The following VPS54 variants were observed in gnomAD, a reference collection of about 807,000 sequenced individuals.
VPS54 encodes VPS54 subunit of GARP complex.
VPS54 carries 45 observed loss-of-function variants against 121.5 expected under a neutral mutation model. That is an observed-to-expected ratio of 0.37 (90% CI 0.29 to 0.47). The LOEUF (loss-of-function observed/expected upper bound fraction) is 0.47. Ranked by LOEUF, VPS54 falls within the 20% of genes least tolerant of loss-of-function variation. The pLI, the probability that VPS54 is intolerant of heterozygous loss-of-function variation, is 0.99. For missense variants in VPS54, 1,090 were observed against 1,131.4 expected, an observed-to-expected ratio of 0.96 and a Z score of 0.52; for synonymous variants, 371 against 385.8, an observed-to-expected ratio of 0.96 and a Z score of 0.45.
Position 63,949,175 on chromosome 2 carries a change from G to C in VPS54, c.1011-12C>G, listed in dbSNP as rs368484991. ...GTGATCCCAAATGCCTAAAAAGGAAGAGAAAAATGTTATATTTATATTCAC... is the reference window on the plus strand; with the variant it reads ...GTGATCCCAAATGCCTAAAAAGGAACAGAAAAATGTTATATTTATATTCAC... On this transcript the variant is annotated splice_polypyrimidine_tract_variant and intron_variant, in intron 7 of 22. Coordinates refer to ENST00000272322, the MANE Select transcript of VPS54 (RefSeq NM_016516.3). The C allele has an allele frequency of 1.4e-5, 22 of 1,599,132 alleles. No homozygotes were observed. The highest frequency in any genetic ancestry group is 1.7e-5 in the Non-Finnish European group (20 of 1,176,612).
chr2:63,976,133 G>A (rs1359529328), intron 3 of VPS54, among the ~76,000 whole-genome samples: 1 of 152,120 alleles, frequency 6.6e-6, no homozygotes, highest in Non-Finnish European at 1.5e-5. Context: ...CTTGAATTGA[G>A]GAGTTTGAGA....
intron 1 of VPS54, among the ~76,000 whole-genome samples, chr2:64,003,013 C>G (rs969817565): frequency 6.6e-6 from 1 of 152,138 alleles, no homozygotes; most frequent in African/African-American, 2.4e-5. Context: ...TGTAGATGTA[C>G]AGACAAATAC....
At chr2:63,961,203 T>C (rs1575961095) in intron 7 of VPS54, among the ~76,000 whole-genome samples, 1 of 152,212 alleles carries the variant, frequency 6.6e-6, no homozygotes, top group South Asian at 2.1e-4. Flanking sequence ...TAATAGGTGC[T>C]CAACAGCCAT....
chr2:63,981,932 G>T lies in VPS54; in HGVS notation c.137-45C>A, dbSNP rs966542456. ...GAACTCTGTAAATGCTGTAAAATTG[G>T]TTCTATGTTTGAAAGTACACACTAG... On this transcript the variant is annotated intron_variant, in intron 2 of 22. Coordinates refer to ENST00000272322, the MANE Select transcript of VPS54 (RefSeq NM_016516.3). 6 of 1,560,736 alleles carry T rather than the reference G, an allele frequency of 3.8e-6. No homozygotes were observed. The African/African-American group carries it at 5.5e-5, about 14-fold the overall frequency.
At chr2:63,900,765 GT>G (rs202189162) in intron 20 of VPS54, among the ~76,000 whole-genome samples, 1 of 151,412 alleles carries the variant, frequency 6.6e-6, no homozygotes, top group African/African-American at 2.4e-5. Flanking sequence ...TTTTTTGTTT[GT>G]TTTTTTTGAT....
At chr2:63,996,906 T>C (rs1170297685) in intron 1 of VPS54, among the ~76,000 whole-genome samples, 1 of 152,140 alleles carries the variant, frequency 6.6e-6, no homozygotes, top group Admixed American at 6.6e-5. Flanking sequence ...AAGCATGTGA[T>C]CTCTGTGACC....
At chr2:63,983,527 C>T (rs1374740407) in intron 2 of VPS54, among the ~76,000 whole-genome samples, 1 of 150,386 alleles carries the variant, frequency 6.6e-6, no homozygotes, top group African/African-American at 2.5e-5. Context: ...ACTGCATGCT[C>T]CACCTCCTGA....
chr2:63,986,451 T>C (rs778740525), intron 1 of VPS54, among the ~76,000 whole-genome samples: 1 of 152,252 alleles, frequency 6.6e-6, no homozygotes, highest in Non-Finnish European at 1.5e-5. Flanking sequence ...CATCCTTTTC[T>C]ATGGCTGAAT....
chr2:63,939,115 C>T (rs188290657), intron 11 of VPS54, among the ~76,000 whole-genome samples: 28 of 152,016 alleles, frequency 1.8e-4, no homozygotes, highest in African/African-American at 6.3e-4. Context: ...AAGTATAATA[C>T]TAAATCCCTG....
intron 22 of VPS54, among the ~76,000 whole-genome samples, chr2:63,897,189 G>C (rs936928041): frequency 1.3e-5 from 2 of 152,174 alleles, no homozygotes; most frequent in African/African-American, 4.8e-5. Flanking sequence ...TGGTCACACA[G>C]TAGGACTTCT....
chr2:63,921,360 G>A, intron 12 of VPS54, 25 bp from the exon 13 acceptor site: 2 of 1,607,970 alleles, frequency 1.2e-6, no homozygotes, highest in East Asian at 4.5e-5. Flanking sequence ...ATAAGATTTA[G>A]TCAGGGAAAG....
intron 1 of VPS54, among the ~76,000 whole-genome samples, chr2:63,993,950 C>T (rs551443472): frequency 6.6e-6 from 1 of 152,276 alleles, no homozygotes; most frequent in South Asian, 2.1e-4. Context: ...TCCCCAAAAC[C>T]TTTAAATATT....
intron 6 of VPS54, among the ~76,000 whole-genome samples, chr2:63,963,115 TA>T (rs1675843042): frequency 6.6e-6 from 1 of 152,114 alleles, no homozygotes; most frequent in Admixed American, 6.5e-5. Context: ...AAATTATAGA[TA>T]AGGTACTAAA....
chr2:63,918,704 T>C (rs1673496620), intron 15 of VPS54, among the ~76,000 whole-genome samples: 1 of 152,040 alleles, frequency 6.6e-6, no homozygotes, highest in African/African-American at 2.4e-5. Flanking sequence ...GCAGAAGTAG[T>C]AGCCTTTCTC....
chr2:63,960,771 A>G (rs763699078), intron 7 of VPS54, among the ~76,000 whole-genome samples: 63 of 152,250 alleles, frequency 4.1e-4, no homozygotes, highest in Non-Finnish European at 8.2e-4. Context: ...ATAAATCCTT[A>G]TAATTTCAAA....
chr2:64,013,739 A>T (rs1323027297), intron 1 of VPS54, among the ~76,000 whole-genome samples: 6 of 148,912 alleles, frequency 4.0e-5, no homozygotes. Context: ...TATATATCAT[A>T]TATAATACCA....
intron 1 of VPS54, among the ~76,000 whole-genome samples, chr2:63,990,817 T>C (rs1014895290): frequency 1.5e-4 from 23 of 152,380 alleles, no homozygotes; most frequent in African/African-American, 5.0e-4. Flanking sequence ...TGTGTCGTTA[T>C]GTACCTCTTA....
intron 4 of VPS54, among the ~76,000 whole-genome samples, chr2:63,970,655 T>C (rs1274981320): frequency 6.6e-6 from 1 of 152,198 alleles, no homozygotes; most frequent in African/African-American, 2.4e-5. Flanking sequence ...ACCAACTAAC[T>C]GTTCTTACTT....
At position 63,893,270 on chromosome 2, in the gene VPS54, T is replaced by A. The variant is rs1259482365; in HGVS notation, c.*160A>T. The stretch of plus-strand genomic sequence containing the variant: ...AAATGACATTCCTTGTAGATCCCAC[T>A]GAATCCAGTTTCCCAACACTTGATA... On this transcript the variant is annotated 3_prime_UTR_variant, in exon 23 of 23. Coordinates refer to ENST00000272322, the MANE Select transcript of VPS54 (RefSeq NM_016516.3). 2 of 747,524 alleles carry A rather than the reference T, an allele frequency of 2.7e-6. No individual in the cohort carries two copies. The highest frequency in any genetic ancestry group is 4.9e-6 in the Non-Finnish European group (2 of 410,556). 46.3% of individuals were successfully genotyped at this position (747,524 alleles called of 1,614,324 possible).
Sources: gnomAD v4.1 joint callset for allele counts (sites outside exome capture counted in the v4.1 genomes callset) on GRCh38, gnomAD v4.1.1 for gene constraint, MANE v1.5 for transcripts, NCBI Gene and HGNC (gene_info 2026-07-23, HGNC 2026-07-21) for gene names.